The following NRCAM variants were observed in gnomAD, a reference collection of about 807,000 sequenced individuals.
NRCAM encodes NgCAM-related cell adhesion molecule.
Under a neutral mutation model 156.5 loss-of-function variants are expected in NRCAM, and 83 were observed. The ratio of observed to expected loss-of-function variants is 0.53; its 90% CI spans 0.44 to 0.64. The LOEUF is 0.64. NRCAM is among the 30% of genes least tolerant of loss of function. The pLI is 0.00. For synonymous variants in NRCAM, 538 were observed against 563.9 expected (o/e 0.95, Z 0.65); for missense variants, 1,417 against 1,597.3 (o/e 0.89, Z 1.92).
intron 1 of NRCAM, among the ~76,000 whole-genome samples, chr7:108,450,257 CT>C (rs11316439): frequency 0.26 from 37,378 of 144,838 alleles, 4,829 homozygotes; most frequent in Non-Finnish European, 0.29. Context: ...TTACCACTGG[CT>C]TTTTTTTTTT....
At position 108,268,632 on chromosome 7, in the gene NRCAM, GGGT is replaced by G. The variant is rs2097204066; in HGVS notation, c.-106-28465_-106-28463del. Among the ~76,000 whole-genome samples the G allele has an allele frequency of 9.4e-3, 612 of 64,960 alleles. 18 individuals are homozygous for G. The highest frequency in any genetic ancestry group is 0.028 in the African/African-American group (575 of 20,752). 42.6% of individuals were successfully genotyped at this position (64,960 alleles called of 152,430 possible). ...GCGGGGCGGGGGTGGGGGTGGGGGG[GGGT>G]TGGGGGGGGCGGCGGTGGCGGGAAG... On this transcript the variant is annotated intron_variant, in intron 3 of 32. Transcript: ENST00000379028.
chr7:108,286,535 G>C (rs546231818), intron 3 of NRCAM, among the ~76,000 whole-genome samples: 2 of 152,228 alleles, frequency 1.3e-5, no homozygotes, highest in African/African-American at 4.8e-5. Context: ...AAAAAGATTT[G>C]ATGTGGAAAA....
intron 1 of NRCAM, among the ~76,000 whole-genome samples, chr7:108,411,906 T>G (rs533593754): frequency 6.6e-6 from 1 of 152,320 alleles, no homozygotes; most frequent in Admixed American, 6.5e-5. Context: ...GACAGTCCAC[T>G]GTTGATAGGT....
chr7:108,321,329 T>C (rs973211691), intron 2 of NRCAM, among the ~76,000 whole-genome samples: 1 of 152,214 alleles, frequency 6.6e-6, no homozygotes, highest in African/African-American at 2.4e-5. Context: ...TTTTGGCTCA[T>C]GGTCTGTAGG....
intron 1 of NRCAM, among the ~76,000 whole-genome samples, chr7:108,453,832 T>C (rs546825026): frequency 6.6e-6 from 1 of 152,340 alleles, no homozygotes; most frequent in East Asian, 1.9e-4. Flanking sequence ...CTAGTTAACA[T>C]GGAGCATCTT....
At chr7:108,245,460 T>C (rs1043781832) in intron 3 of NRCAM, among the ~76,000 whole-genome samples, 4 of 152,208 alleles carry the variant, frequency 2.6e-5, no homozygotes, top group Non-Finnish European at 5.9e-5. Context: ...TTCTACCACA[T>C]GCGGGCCCTG....
chr7:108,321,203 G>T (rs544059305), intron 2 of NRCAM, among the ~76,000 whole-genome samples: 2 of 152,180 alleles, frequency 1.3e-5, no homozygotes, highest in African/African-American at 2.4e-5. Flanking sequence ...GCCAGGGAAC[G>T]TTCCCAAGGA....
chr7:108,316,882 A>T (rs1487760818), intron 2 of NRCAM, among the ~76,000 whole-genome samples: 4 of 152,120 alleles, frequency 2.6e-5, no homozygotes, highest in African/African-American at 9.7e-5. Flanking sequence ...TGTAAGACAG[A>T]CATGGCTGTG....
chr7:108,175,201 G>T, intron 28 of NRCAM, 121 bp downstream of exon 28: 1 of 682,226 alleles, frequency 1.5e-6, no homozygotes, highest in Non-Finnish European at 2.3e-6. Flanking sequence ...GATTGGATGA[G>T]ATCTTCTCTT....
intron 1 of NRCAM, among the ~76,000 whole-genome samples, chr7:108,435,007 A>G (rs1830358838): frequency 6.9e-6 from 1 of 144,836 alleles, no homozygotes; most frequent in Non-Finnish European, 1.5e-5. Context: ...AAGTAAAGAA[A>G]AAGAAAGTGT....
chr7:108,232,270 G>T, intron 7 of NRCAM, 56 bp downstream of exon 7: 1 of 1,262,602 alleles, frequency 7.9e-7, no homozygotes, highest in South Asian at 1.4e-5. Flanking sequence ...CACAGAAGCT[G>T]AGTCTTGGAG....
At position 108,184,310 on chromosome 7, in the gene NRCAM, T is replaced by C. The variant is rs998254734; in HGVS notation, c.2235A>G (p.Glu745=). Residue 745 remains glutamate (E), a splice_region_variant and synonymous_variant, in exon 22 of 33, where the codon GAA becomes GAG. Coordinates refer to ENST00000379028, the MANE Select transcript of NRCAM (RefSeq NM_001037132.4). ...ASEQYLTKAS[E]PDKNPTAVEG... is the part of the protein sequence containing the mutation. ...CCACAGCTGTGGGGTTTTTATCTGGTTCTGGAAGTTAAGCAGCCACACATG... is the reference window on the plus strand; with the variant it reads ...CCACAGCTGTGGGGTTTTTATCTGGCTCTGGAAGTTAAGCAGCCACACATG... 2 of 1,614,140 alleles carry C rather than the reference T, an allele frequency of 1.2e-6. No individual in the cohort carries two copies. The highest frequency in any genetic ancestry group is 1.7e-6 in the Non-Finnish European group (2 of 1,180,024).
chr7:108,379,275 T>C (rs2154355281), intron 2 of NRCAM, among the ~76,000 whole-genome samples: 1 of 152,218 alleles, frequency 6.6e-6, no homozygotes, highest in Non-Finnish European at 1.5e-5. Context: ...ACAAAAATGA[T>C]AAAGGAACGT....
chr7:108,381,113 T>C lies in NRCAM; in HGVS notation c.-174+18323A>G, dbSNP rs1261785960. Among the ~76,000 whole-genome samples, 4 of 152,252 alleles carry C rather than the reference T, an allele frequency of 2.6e-5. No individual in the cohort carries two copies. The Middle Eastern group carries it at 0.01, about 388-fold the overall frequency. On this transcript the variant is annotated intron_variant, in intron 2 of 32. Transcript: ENST00000379028. The stretch of plus-strand genomic sequence containing the variant: ...TTGGCACTAATACCCTAAGGACTAA[T>C]GCCATTAAAACTATTTTGCAAGAAG...
At chr7:108,322,443 T>C (rs1294202550) in intron 2 of NRCAM, among the ~76,000 whole-genome samples, 1 of 152,374 alleles carries the variant, frequency 6.6e-6, no homozygotes. Flanking sequence ...CCCTATTGGT[T>C]GGGACTTGGG....
chr7:108,261,563 T>C (rs2096889171), intron 3 of NRCAM, among the ~76,000 whole-genome samples: 1 of 152,216 alleles, frequency 6.6e-6, no homozygotes, highest in Admixed American at 6.5e-5. Context: ...GAATTCTTTA[T>C]TTTAGCATCT....
At chr7:108,282,877 G>A (rs36060893) in intron 3 of NRCAM, among the ~76,000 whole-genome samples, 6,057 of 152,268 alleles carry the variant, frequency 0.04, 162 homozygotes, top group Non-Finnish European at 0.055. Context: ...CACTAGAGCC[G>A]CCTGGGGAGA....
At chr7:108,151,162 C>T (rs555974854) in intron 32 of NRCAM, among the ~76,000 whole-genome samples, 4 of 152,056 alleles carry the variant, frequency 2.6e-5, no homozygotes, top group Non-Finnish European at 5.9e-5. Context: ...TTCACCCATA[C>T]GGTCAAATAC....
At chr7:108,408,246 A>G (rs543039066) in intron 1 of NRCAM, among the ~76,000 whole-genome samples, 1 of 152,320 alleles carries the variant, frequency 6.6e-6, no homozygotes, top group East Asian at 1.9e-4. Context: ...ATATGCTTGT[A>G]TGGAACTGAC....
Sources: gnomAD v4.1 joint callset for allele counts (sites outside exome capture counted in the v4.1 genomes callset) on GRCh38, gnomAD v4.1.1 for gene constraint, MANE v1.5 for transcripts, NCBI Gene and HGNC (gene_info 2026-07-23, HGNC 2026-07-21) for gene names.